FHIT: variants seen among roughly 807,000 people sequenced by gnomAD.
FHIT encodes fragile histidine triad diadenosine triphosphatase.
A neutral mutation model predicts 17.9 loss-of-function variants in FHIT; 19 were observed. The observed-to-expected ratio is 1.06, with a 90% CI of 0.74 to 1.56. FHIT has a LOEUF of 1.56. Among genes scored for constraint, FHIT ranks in the 40% most tolerant of loss-of-function variants. The probability of loss-of-function intolerance (pLI) is 0.00; values close to 1 mark genes in which losing one functional copy is unlikely to be tolerated. For missense variants in FHIT, 248 were observed against 189.2 expected (o/e 1.31, Z -1.82); for synonymous variants, 81 against 69.7 (o/e 1.16, Z -0.81).
intron 5 of FHIT, among the ~76,000 whole-genome samples, chr3:60,190,364 A>G (rs892111500): frequency 4.6e-5 from 7 of 152,120 alleles, no homozygotes; most frequent in Non-Finnish European, 8.8e-5. Flanking sequence ...CAGAAAAAAA[A>G]AAAAGAAAAA....
At chr3:60,300,885 A>C (rs1708434308) in intron 5 of FHIT, among the ~76,000 whole-genome samples, 1 of 151,706 alleles carries the variant, frequency 6.6e-6, no homozygotes, top group African/African-American at 2.4e-5. Context: ...CATCTGCTTC[A>C]CTCCATCAGC....
At chr3:60,467,535 G>A (rs2032865691) in intron 5 of FHIT, among the ~76,000 whole-genome samples, 1 of 151,588 alleles carries the variant, frequency 6.6e-6, no homozygotes. Context: ...ATTTTCATTT[G>A]TTTCAATATA....
intron 3 of FHIT, among the ~76,000 whole-genome samples, chr3:60,883,103 CCTTA>C (rs1705049454): frequency 6.6e-6 from 1 of 151,744 alleles, no homozygotes; most frequent in South Asian, 2.1e-4. Flanking sequence ...AAGAAAGCAA[CCTTA>C]CTTACAATAG....
At chr3:60,531,922 C>T (rs182049615) in intron 5 of FHIT, among the ~76,000 whole-genome samples, 552 of 152,298 alleles carry the variant, frequency 3.6e-3, no homozygotes, top group Non-Finnish European at 5.3e-3. Context: ...TCTTGGAGCA[C>T]TGTTTGCATG....
intron 5 of FHIT, among the ~76,000 whole-genome samples, chr3:60,091,635 G>C (rs1225865755): frequency 6.6e-6 from 1 of 152,182 alleles, no homozygotes; most frequent in Non-Finnish European, 1.5e-5. Flanking sequence ...CACGGTGAGA[G>C]GTGATTTGAT....
chr3:60,192,250 C>CAAA lies in FHIT; in HGVS notation c.104-178101_104-178099dup, dbSNP rs71089591. Among the ~76,000 whole-genome samples, 160 of 121,450 alleles carry CAAA rather than the reference C, an allele frequency of 1.3e-3. 1 individual carries two copies. Among genetic ancestry groups the CAAA allele is most frequent in the African/African-American group, 1.9e-3 (59 of 31,090 alleles). 79.7% of individuals were successfully genotyped at this position (121,450 alleles called of 152,430 possible). A position where few individuals can be genotyped will look rare whatever the true frequency, so the allele number is the denominator to read the frequency against. On this transcript the variant is annotated intron_variant, in intron 5 of 9. Transcript: ENST00000492590. ...TGGGCAACAGAGCAACACTATGTCT[C>CAAA]AAAAAAAAAAAAAAAAAAGTTAAAG...
chr3:60,560,444 A>C (rs1317888732), intron 4 of FHIT, among the ~76,000 whole-genome samples: 1 of 152,124 alleles, frequency 6.6e-6, no homozygotes, highest in East Asian at 1.9e-4. Flanking sequence ...GAACAGCTTC[A>C]TGAATGGCTA....
chr3:60,028,576 T>A (rs981502009), intron 5 of FHIT, among the ~76,000 whole-genome samples: 7 of 152,136 alleles, frequency 4.6e-5, no homozygotes, highest in African/African-American at 1.7e-4. Flanking sequence ...CCAAAATGGA[T>A]AATCGAAAGA....
rs533175561 is a variant in FHIT at position 60,668,423 on chromosome 3, TG to T, written c.-17-131445del. On this transcript the variant is annotated intron_variant, in intron 4 of 9. Transcript: ENST00000492590. ...TCAGCCTCCCTGAGCTGCTTCTTGT[TG>T]CCAGGCTTGGACTTAGGAAACACTC... 8.6e-5 allele frequency among the ~76,000 whole-genome samples: 13 copies of T among 150,506 alleles called. No homozygotes were observed. The South Asian group carries it at 2.8e-3, about 32-fold the overall frequency.
intron 5 of FHIT, among the ~76,000 whole-genome samples, chr3:60,333,845 T>C (rs972146366): frequency 2.0e-5 from 3 of 152,340 alleles, no homozygotes; most frequent in East Asian, 1.9e-4. Flanking sequence ...ACCAGATTAC[T>C]GTATTTGGAC....
intron 5 of FHIT, among the ~76,000 whole-genome samples, chr3:60,121,076 T>G (rs970113651): frequency 6.6e-6 from 1 of 152,164 alleles, no homozygotes; most frequent in Admixed American, 6.5e-5. Context: ...TGATTTCATT[T>G]AAAAAACTTT....
intron 4 of FHIT, among the ~76,000 whole-genome samples, chr3:60,577,123 C>G (rs1320334896): frequency 6.6e-6 from 1 of 152,154 alleles, no homozygotes; most frequent in Non-Finnish European, 1.5e-5. Context: ...TAACACCCCT[C>G]ATTGATCAAC....
intron 8 of FHIT, among the ~76,000 whole-genome samples, chr3:59,876,365 A>C (rs1703158979): frequency 6.6e-6 from 1 of 152,200 alleles, no homozygotes; most frequent in Admixed American, 6.5e-5. Context: ...GATAAGCTAC[A>C]TTATTTAAAC....
intron 5 of FHIT, among the ~76,000 whole-genome samples, chr3:60,122,749 G>A (rs1289344323): frequency 1.3e-5 from 2 of 152,142 alleles, no homozygotes; most frequent in Non-Finnish European, 2.9e-5. Context: ...AAAGATAGAG[G>A]CAGCTTGTTA....
intron 4 of FHIT, among the ~76,000 whole-genome samples, chr3:60,620,273 A>G (rs2039083166): frequency 6.6e-6 from 1 of 152,202 alleles, no homozygotes; most frequent in African/African-American, 2.4e-5. Context: ...CTTACCATAC[A>G]ATCCAGCAAT....
chr3:60,461,266 G>C (rs1336492032), intron 5 of FHIT, among the ~76,000 whole-genome samples: 1 of 152,172 alleles, frequency 6.6e-6, no homozygotes, highest in East Asian at 1.9e-4. Context: ...AAAAAATCCA[G>C]CTCTACAGTT....
Position 60,047,501 on chromosome 3 carries a change from G to C in FHIT, c.104-33349C>G, listed in dbSNP as rs1239863812. ...AGAAGGAGCCATTGAAAACAACAGAGAAACCAGACAACAGTCTTTAACGTC... is the reference window on the plus strand; with the variant it reads ...AGAAGGAGCCATTGAAAACAACAGACAAACCAGACAACAGTCTTTAACGTC... On this transcript the variant is annotated intron_variant, in intron 5 of 9. Coordinates refer to ENST00000492590, the MANE Select transcript of FHIT (RefSeq NM_002012.4). 2.0e-5 allele frequency among the ~76,000 whole-genome samples: 3 copies of C among 152,148 alleles called. 1 individual carries two copies. Among genetic ancestry groups the C allele is most frequent in the Admixed American group, 1.3e-4 (2 of 15,272 alleles).
intron 8 of FHIT, among the ~76,000 whole-genome samples, chr3:59,821,100 A>G (rs940939626): frequency 6.6e-6 from 1 of 152,184 alleles, no homozygotes; most frequent in African/African-American, 2.4e-5. Flanking sequence ...GCTGGAGGTC[A>G]AGCTTGAGCG....
chr3:59,926,578 A>G (rs760621648), intron 7 of FHIT, among the ~76,000 whole-genome samples: 1 of 152,258 alleles, frequency 6.6e-6, no homozygotes, highest in Non-Finnish European at 1.5e-5. Context: ...GGCTGTAGTA[A>G]GGAAAGGGGC....
Sources: gnomAD v4.1 joint callset for allele counts (sites outside exome capture counted in the v4.1 genomes callset) on GRCh38, gnomAD v4.1.1 for gene constraint, MANE v1.5 for transcripts, NCBI Gene and HGNC (gene_info 2026-07-23, HGNC 2026-07-21) for gene names.